The following MMP2 variants were observed in gnomAD, a reference collection of about 807,000 sequenced individuals.
MMP2 encodes the protein 72 kDa type IV collagenase.
MMP2 carries 39 observed loss-of-function variants against 74.8 expected under a neutral mutation model. That is an observed-to-expected ratio of 0.52 (90% CI 0.40 to 0.68). The LOEUF is 0.68. Ranked by LOEUF, MMP2 falls within the 30% of genes least tolerant of loss-of-function variation. The probability of loss-of-function intolerance (pLI) is 0.00; values close to 1 mark genes in which losing one functional copy is unlikely to be tolerated. For missense variants in MMP2, 803 were observed against 878.3 expected (o/e 0.91, Z 1.08); for synonymous variants, 367 against 339.8 (o/e 1.08, Z -0.88).
chr16:55,484,466 A>G (rs1306920012), intron 3 of MMP2, among the ~76,000 whole-genome samples: 1 of 152,236 alleles, frequency 6.6e-6, no homozygotes, highest in Non-Finnish European at 1.5e-5. Context: ...ATGGCTGTTT[A>G]AATTTAAATT....
chr16:55,485,871 T>A (rs546843748), intron 5 of MMP2, 94 bp downstream of exon 5: 1 of 1,320,786 alleles, frequency 7.6e-7, no homozygotes, highest in African/African-American at 1.4e-5. Flanking sequence ...TCTCCAGGAC[T>A]GGCTGCCACT....
At chr16:55,505,251 C>A (rs574268204) in intron 12 of MMP2, 88 bp from the exon 13 acceptor site, 39 of 1,100,356 alleles carry the variant, frequency 3.5e-5, no homozygotes, top group Admixed American at 1.2e-4. Context: ...CTTCCCTATG[C>A]CAGGCAGAAA....
chr16:55,488,804 CT>C, intron 6 of MMP2, 88 bp downstream of exon 6: 1 of 1,392,190 alleles, frequency 7.2e-7, no homozygotes, highest in Non-Finnish European at 9.8e-7. Flanking sequence ...TGCCCACCTC[CT>C]TTCCCCAAGA....
At chr16:55,502,726 G>C in intron 11 of MMP2, 53 bp from the exon 12 acceptor site, 5 of 1,511,068 alleles carry the variant, frequency 3.3e-6, no homozygotes, top group Non-Finnish European at 3.7e-6. Context: ...AGGCCAGGGG[G>C]GAAGTGTCCT....
intron 2 of MMP2, 26 bp from the exon 3 acceptor site, chr16:55,483,990 C>T (rs571387124): frequency 7.4e-6 from 12 of 1,612,724 alleles, no homozygotes; most frequent in Non-Finnish European, 1.0e-5. Context: ...TGCATACACA[C>T]TCACATGCAG....
chr16:55,491,902 A>T lies in MMP2; in HGVS notation c.1282A>T (p.Thr428Ser). 1 of 1,589,014 alleles carries T rather than the reference A, an allele frequency of 6.3e-7. No homozygotes were observed. Among genetic ancestry groups the T allele is most frequent in the African/African-American group, 1.4e-5 (1 of 73,160 alleles). ...CCTGATGGCACCCATTTACACCTACACCAAGAACTTCCGTCTGTCCCAGGA... is the reference window on the plus strand; with the variant it reads ...CCTGATGGCACCCATTTACACCTACTCCAAGAACTTCCGTCTGTCCCAGGA... The part of the protein sequence containing the change: ...GALMAPIYTY[T>S]KNFRLSQDDI... The change falls in exon 8 of 13, where the codon ACC (threonine) becomes TCC (serine). Residue 428 changes from threonine to serine, a missense_variant. This residue lies in a region of MMP2 where 555 missense variants were observed against 592.0 expected (regional missense o/e 0.94). Coordinates refer to ENST00000219070, the MANE Select transcript of MMP2 (RefSeq NM_004530.6).
chr16:55,498,207 C>T (rs990585012), intron 10 of MMP2, 82 bp from the exon 11 acceptor site: 21 of 1,569,634 alleles, frequency 1.3e-5, no homozygotes, highest in East Asian at 4.5e-5. Context: ...CAGTGGGGCC[C>T]GTGGACAGAC....
At chr16:55,487,420 A>G (rs1962286067) in intron 5 of MMP2, 1 of 152,026 alleles carries the variant, frequency 6.6e-6, no homozygotes, top group Admixed American at 6.6e-5. Context: ...GCCTTTCTCA[A>G]CTCTGAGGCC....
chr16:55,502,076 C>T (rs1169237758), intron 11 of MMP2, among the ~76,000 whole-genome samples: 1 of 152,170 alleles, frequency 6.6e-6, no homozygotes, highest in African/African-American at 2.4e-5. Context: ...GGATTGCTGC[C>T]GCCGGAACTG....
At chr16:55,505,302 G>C in intron 12 of MMP2, 37 bp from the exon 13 acceptor site, 3 of 1,549,228 alleles carry the variant, frequency 1.9e-6, no homozygotes, top group Non-Finnish European at 2.7e-6. Context: ...AGAATGTCAG[G>C]ATAAGGGGGT....
At chr16:55,490,514 C>T (rs1169519291) in intron 7 of MMP2, among the ~76,000 whole-genome samples, 7 of 152,108 alleles carry the variant, frequency 4.6e-5, no homozygotes, top group Admixed American at 4.6e-4. Flanking sequence ...ACTATGTGCT[C>T]AGTGCAGTGA....
At chr16:55,496,391 A>G (rs1962529403) in intron 9 of MMP2, among the ~76,000 whole-genome samples, 1 of 152,232 alleles carries the variant, frequency 6.6e-6, no homozygotes, top group South Asian at 2.1e-4. Context: ...TAGACCATCC[A>G]GAGTGCATGC....
intron 1 of MMP2, 56 bp from the exon 2 acceptor site, chr16:55,482,853 C>A: frequency 1.4e-6 from 2 of 1,468,010 alleles, no homozygotes; most frequent in South Asian, 1.1e-5. Flanking sequence ...CTGCTTTGGT[C>A]AGTACTGTGC....
Position 55,502,784 on chromosome 16 carries a change from A to G in MMP2, c.1775A>G (p.Asn592Ser). Residue 592 changes from asparagine to serine, a missense_variant, in exon 12 of 13, where the codon AAT (asparagine) becomes AGT (serine). By Grantham distance (46) the Asn-to-Ser change is conservative. Around this residue, in one of 3 missense-constraint regions of MMP2, gnomAD observed 555 missense variants for 592.0 expected, o/e 0.94. Transcript: ENST00000219070. ...IFAGDKFWRY[N>S]EVKKKMDPGF... The stretch of plus-strand genomic sequence containing the variant: ...CTGTGTCTGTTTCTTTACAGATACA[A>G]TGAGGTGAAGAAGAAAATGGATCCT... The G allele has an allele frequency of 6.2e-7, 1 of 1,612,996 alleles. No homozygotes were observed. The highest frequency in any genetic ancestry group is 1.3e-5 in the African/African-American group (1 of 75,032).
chr16:55,496,400 G>A (rs1172024232), intron 9 of MMP2, among the ~76,000 whole-genome samples: 1 of 151,806 alleles, frequency 6.6e-6, no homozygotes, highest in Non-Finnish European at 1.5e-5. Context: ...CAGAGTGCAT[G>A]CTGTCTTAAA....
intron 7 of MMP2, 50 bp from the exon 8 acceptor site, chr16:55,491,751 C>T: frequency 6.2e-7 from 1 of 1,608,964 alleles, no homozygotes; most frequent in Non-Finnish European, 8.5e-7. Flanking sequence ...TGACTTCTCT[C>T]TCATCTCTCT....
At chr16:55,493,489 C>T (rs988815409) in intron 9 of MMP2, among the ~76,000 whole-genome samples, 196 bp downstream of exon 9, 2 of 152,208 alleles carry the variant, frequency 1.3e-5, no homozygotes, top group African/African-American at 2.4e-5. Flanking sequence ...TTTGCTCTCT[C>T]ATAGTCTGTG....
At chr16:55,488,978 C>T (rs746627907) in intron 6 of MMP2, among the ~76,000 whole-genome samples, 25 of 152,192 alleles carry the variant, frequency 1.6e-4, no homozygotes, top group Non-Finnish European at 3.1e-4. Flanking sequence ...TGCTCAGGAT[C>T]CTCTGACCGA....
At chr16:55,483,269 T>A (rs1194730665) in intron 2 of MMP2, 134 bp downstream of exon 2, 116 of 668,988 alleles carry the variant, frequency 1.7e-4, no homozygotes, top group Non-Finnish European at 3.1e-5. Flanking sequence ...GGAGTTTCAA[T>A]ACACAGTTCT....
Sources: allele counts gnomAD v4.1 joint callset (sites outside exome capture counted in the v4.1 genomes callset), GRCh38; gene constraint gnomAD v4.1.1; regional missense constraint gnomAD v4.1.1; transcripts MANE v1.5; gene names NCBI Gene and HGNC (gene_info 2026-07-23, HGNC 2026-07-21).